The following OR2V1 variants were observed in gnomAD, a reference collection of about 807,000 sequenced individuals.
OR2V1 encodes olfactory receptor family 2 subfamily V member 1.
A neutral mutation model predicts 15.0 loss-of-function variants in OR2V1; 18 were observed. That is an observed-to-expected ratio of 1.20 (90% CI 0.83 to 1.78). The LOEUF is 1.78. Ranked by LOEUF, OR2V1 falls within the 40% of genes most tolerant of loss-of-function variation. OR2V1 has a pLI of 0.00. For missense variants in OR2V1, 359 were observed against 392.9 expected, an observed-to-expected ratio of 0.91 and a Z score of 0.73; for synonymous variants, 144 against 146.1, an observed-to-expected ratio of 0.99 and a Z score of 0.10.
chr5:181,127,909 C>A (rs1232983981), intron 3 of OR2V1, among the ~76,000 whole-genome samples: 1 of 151,676 alleles, frequency 6.6e-6, no homozygotes, highest in Non-Finnish European at 1.5e-5. Flanking sequence ...ACGTCCCACT[C>A]CCCCCTCCCC....
chr5:181,130,776 C>G (rs1199756318), intron 1 of OR2V1, among the ~76,000 whole-genome samples: 1 of 152,198 alleles, frequency 6.6e-6, no homozygotes, highest in Non-Finnish European at 1.5e-5. Flanking sequence ...GAACGCAGGG[C>G]AGAGGAATAC....
intron 3 of OR2V1, among the ~76,000 whole-genome samples, chr5:181,128,943 G>T (rs751067923): frequency 1.3e-5 from 2 of 152,180 alleles, no homozygotes; most frequent in Non-Finnish European, 2.9e-5. Context: ...TAAAAATTTT[G>T]TTGGCCAAGT....
In OR2V1 at chr5:181,124,026, T is replaced by G. The variant is rs1393900235; in HGVS notation, c.*331A>C. The G allele has an allele frequency of 4.7e-6, 1 of 214,986 alleles. No homozygotes were observed. The allele number at this position is 214,986 out of a possible 1,614,324, so 13.3% of individuals were successfully genotyped here. On this transcript the variant is annotated 3_prime_UTR_variant, in exon 4 of 4. Transcript: ENST00000641551. Reference sequence around the variant, plus strand: ...GGGCAGAAAAACACAAAAAATAAAATAAAGAAAATAAAAAATAGAGTAAAT... The same window carrying G: ...GGGCAGAAAAACACAAAAAATAAAAGAAAGAAAATAAAAAATAGAGTAAAT...
chr5:181,128,952 G>A (rs1003608021), intron 3 of OR2V1, among the ~76,000 whole-genome samples: 16 of 152,212 alleles, frequency 1.1e-4, no homozygotes, highest in Admixed American at 9.2e-4. Flanking sequence ...TGTTGGCCAA[G>A]TACCCTGGCT....
In OR2V1 at chr5:181,124,222, T is replaced by C; in HGVS notation, c.*135A>G. 1.3e-6 allele frequency: 1 copy of C among 779,836 alleles called. No homozygotes were observed. The highest frequency in any genetic ancestry group is 1.8e-6 in the Non-Finnish European group (1 of 543,238). The allele number at this position is 779,836 out of a possible 1,614,324, so 48.3% of individuals were successfully genotyped here. A position where few individuals can be genotyped will look rare whatever the true frequency, so the allele number is the denominator to read the frequency against. On this transcript the variant is annotated 3_prime_UTR_variant, in exon 4 of 4. Transcript: ENST00000641551. ...GTACAGAAATGTTCATAATGGCTTT[T>C]CTCATGATGGCCAAAACCTATAAAC...
rs940638118 is a variant in OR2V1, at chr5:181,123,865, G to C, written c.*492C>G. 1.3e-5 allele frequency: 2 copies of C among 152,334 alleles called. No individual in the cohort carries two copies. Among genetic ancestry groups the C allele is most frequent in the African/African-American group, 4.8e-5 (2 of 41,440 alleles). 9.4% of individuals were successfully genotyped at this position (152,334 alleles called of 1,614,324 possible). A position where few individuals can be genotyped will look rare whatever the true frequency, so the allele number is the denominator to read the frequency against. On this transcript the variant is annotated 3_prime_UTR_variant, in exon 4 of 4. Coordinates refer to ENST00000641551, the MANE Select transcript of OR2V1 (RefSeq NM_001258283.2). ...TGCCATTTAGAAAGTTTCCACTTAA[G>C]ATATCCACATTTGTTAGTCTAAGTC...
At position 181,123,673 on chromosome 5, in the gene OR2V1, T is replaced by G. The variant is rs1292297716; in HGVS notation, c.*684A>C. ...CTCGTGATTTTGGGGGCCCAAGATATCCTCCTTTCATAACACACACAAAAA... is the reference window on the plus strand; with the variant it reads ...CTCGTGATTTTGGGGGCCCAAGATAGCCTCCTTTCATAACACACACAAAAA... On this transcript the variant is annotated 3_prime_UTR_variant, in exon 4 of 4. Transcript: ENST00000641551. 1 of 152,148 alleles carries G rather than the reference T, an allele frequency of 6.6e-6. No homozygotes were observed. The highest frequency in any genetic ancestry group is 1.5e-5 in the Non-Finnish European group (1 of 68,042). The allele number at this position is 152,148 out of a possible 1,614,324, so 9.4% of individuals were successfully genotyped here.
intron 3 of OR2V1, among the ~76,000 whole-genome samples, chr5:181,128,192 T>TCA (rs34343246): frequency 0.076 from 3,133 of 41,366 alleles, 62 homozygotes; most frequent in South Asian, 0.17. Context: ...TGTCCTCTCC[T>TCA]CACACACACA....
Position 181,123,276 on chromosome 5 carries a change from GA to G in OR2V1, c.*1080del, listed in dbSNP as rs1240604266. ...TTTGAGACAGATATCAGTTAATTTA[GA>G]AAGTTTATTTTGTCAAGGTTGAGGA... is the stretch of plus-strand genomic sequence containing the variant. On this transcript the variant is annotated 3_prime_UTR_variant, in exon 4 of 4. Transcript: ENST00000641551. The G allele has an allele frequency of 2.0e-5, 3 of 152,218 alleles. No individual in the cohort carries two copies. Among genetic ancestry groups the G allele is most frequent in the African/African-American group, 7.2e-5 (3 of 41,440 alleles). 9.4% of individuals were successfully genotyped at this position (152,218 alleles called of 1,614,324 possible).
chr5:181,128,954 A>G (rs761070695), intron 3 of OR2V1, among the ~76,000 whole-genome samples: 19 of 152,162 alleles, frequency 1.2e-4, no homozygotes, highest in Non-Finnish European at 2.5e-4. Flanking sequence ...TTGGCCAAGT[A>G]CCCTGGCTCA....
At position 181,124,677 on chromosome 5, in the gene OR2V1, G is replaced by A. The variant is rs779285239; in HGVS notation, c.628C>T (p.Leu210Phe). ...LFACCVFMLL[L>F]PFSIIMASYA... ...GAGGCCATGATGATGGAGAAGGGAAGGAGAAGCATGAAGACACAGCAAGCA... is the reference window on the plus strand; with the variant it reads ...GAGGCCATGATGATGGAGAAGGGAAAGAGAAGCATGAAGACACAGCAAGCA... The change falls in exon 4 of 4, where the codon CTT (leucine) becomes TTT (phenylalanine). Residue 210 changes from leucine to phenylalanine, a missense_variant. Transcript: ENST00000641551. 4 of 1,613,260 alleles carry A rather than the reference G, an allele frequency of 2.5e-6. No homozygotes were observed. Among genetic ancestry groups the A allele is most frequent in the Non-Finnish European group, 8.5e-7 (1 of 1,180,016 alleles).
chr5:181,126,079 A>T (rs956645159), intron 3 of OR2V1, among the ~76,000 whole-genome samples: 1 of 152,196 alleles, frequency 6.6e-6, no homozygotes, highest in Non-Finnish European at 1.5e-5. Flanking sequence ...GACCATTTTC[A>T]ACTTCTCTAT....
intron 1 of OR2V1, 52 bp from the exon 2 acceptor site, chr5:181,130,267 C>T (rs1490547745): frequency 5.0e-6 from 2 of 398,802 alleles, no homozygotes; most frequent in East Asian, 3.6e-5. Flanking sequence ...CCTGTGTTTG[C>T]TCCCACTGGG....
Position 181,123,174 on chromosome 5 carries a change from C to G in OR2V1, c.*1183G>C, listed in dbSNP as rs1762824905. 1 of 152,188 alleles carries G rather than the reference C, an allele frequency of 6.6e-6. No homozygotes were observed. The allele number at this position is 152,188 out of a possible 1,614,324, so 9.4% of individuals were successfully genotyped here. ...TTGATGCTCTCTTCTTGCATTCATT[C>G]AATAATGTTTTATTGAGCAACTGCT... On this transcript the variant is annotated 3_prime_UTR_variant, in exon 4 of 4. Transcript: ENST00000641551.
At chr5:181,130,371 A>G (rs1762946229) in intron 1 of OR2V1, 156 bp from the exon 2 acceptor site, 1 of 396,432 alleles carries the variant, frequency 2.5e-6, no homozygotes, top group Admixed American at 4.4e-5. Context: ...CTCAGCCTCC[A>G]GTGGCCCCTC....
At chr5:181,126,165 C>T (rs938657245) in intron 3 of OR2V1, among the ~76,000 whole-genome samples, 3 of 152,158 alleles carry the variant, frequency 2.0e-5, no homozygotes, top group Non-Finnish European at 2.9e-5. Context: ...GAATCTAATT[C>T]GCTTTTCCCA....
Position 181,124,614 on chromosome 5 carries a change from A to G in OR2V1, c.691T>C (p.Ser231Pro), listed in dbSNP as rs754513333. The change falls in exon 4 of 4, where the codon TCT becomes CCT. Residue 231 changes from serine to proline, a missense_variant. Physicochemically the swap from Ser to Pro is moderately conservative, Grantham distance 74. Coordinates refer to ENST00000641551, the MANE Select transcript of OR2V1 (RefSeq NM_001258283.2). ...CILGAVLRIR[S>P]AQAWKKALAT... The stretch of plus-strand genomic sequence containing the variant: ...AGGGCTTTTTTCCAGGCCTGAGCAG[A>G]GCGTATTCGGAGCACAGCCCCTAGG... The G allele has an allele frequency of 8.7e-6, 14 of 1,613,684 alleles. No homozygotes were observed. In the African/African-American group the frequency reaches 1.5e-4, roughly 17 times the overall value.
chr5:181,125,400 T>A, intron 3 of OR2V1, 75 bp from the exon 4 acceptor site: 1 of 1,138,138 alleles, frequency 8.8e-7, no homozygotes, highest in Non-Finnish European at 1.2e-6. Flanking sequence ...TTCAACAGCG[T>A]ATGCTCTGAG....
In OR2V1 at chr5:181,124,184, T is replaced by G; in HGVS notation, c.*173A>C. 1 of 526,366 alleles carries G rather than the reference T, an allele frequency of 1.9e-6. No homozygotes were observed. Among genetic ancestry groups the G allele is most frequent in the Non-Finnish European group, 3.1e-6 (1 of 325,538 alleles). The allele number at this position is 526,366 out of a possible 1,614,324, so 32.6% of individuals were successfully genotyped here. A position where few individuals can be genotyped will look rare whatever the true frequency, so the allele number is the denominator to read the frequency against. On this transcript the variant is annotated 3_prime_UTR_variant, in exon 4 of 4. Transcript: ENST00000641551. ...CACGAGTGTCCTGATTATCTTTTTTTCCTTTTTTTTTGGTACAGAAATGTT... is the reference window on the plus strand; with the variant it reads ...CACGAGTGTCCTGATTATCTTTTTTGCCTTTTTTTTTGGTACAGAAATGTT...
Sources: allele counts gnomAD v4.1 joint callset (sites outside exome capture counted in the v4.1 genomes callset), GRCh38; gene constraint gnomAD v4.1.1; transcripts MANE v1.5; gene names NCBI Gene and HGNC (gene_info 2026-07-23, HGNC 2026-07-21).